The following CNTROB variants were observed in gnomAD, a reference collection of about 807,000 sequenced individuals.
CNTROB encodes the protein centrobin.
In CNTROB, 82 loss-of-function variants were observed where a neutral mutation model predicts 115.7. The observed-to-expected ratio is 0.71, with a 90% CI of 0.59 to 0.85. The LOEUF is 0.85. CNTROB is among the 40% of genes least tolerant of loss of function. The pLI is 0.00. For synonymous variants in CNTROB, 439 were observed against 456.4 expected, an observed-to-expected ratio of 0.96 and a Z score of 0.49; for missense variants, 1,014 against 1,144.4, an observed-to-expected ratio of 0.89 and a Z score of 1.64.
chr17:7,941,598 C>CAA (rs34778352), intron 9 of CNTROB, among the ~76,000 whole-genome samples: 1,161 of 79,740 alleles, frequency 0.015, 45 homozygotes, highest in African/African-American at 0.042. Flanking sequence ...GACTCCATCT[C>CAA]AAAAAAAAAA....
At chr17:7,935,235 G>T in intron 4 of CNTROB, 90 bp downstream of exon 4, 1 of 1,580,630 alleles carries the variant, frequency 6.3e-7, no homozygotes, top group Non-Finnish European at 8.6e-7. Flanking sequence ...CTGGCGTGGT[G>T]GCTCACGCCT....
In CNTROB at chr17:7,939,356, A is replaced by G. The variant is rs1973569497; in HGVS notation, c.928-157A>G. ...TAATCTGCCTGCCTTGGCCTCCCAA[A>G]ATGCTGGGATTACAGGTGTGAGCCA... On this transcript the variant is annotated intron_variant, in intron 7 of 18. Transcript: ENST00000563694. The surrounding 1 kb of genome is among the most constrained non-coding windows in gnomAD (Gnocchi z 4.4). 6.6e-6 allele frequency among the ~76,000 whole-genome samples: 1 copy of G among 152,152 alleles called. No homozygotes were observed. The highest frequency in any genetic ancestry group is 1.5e-5 in the Non-Finnish European group (1 of 68,026).
chr17:7,938,417 T>C (rs952518827), intron 7 of CNTROB, among the ~76,000 whole-genome samples: 22 of 152,112 alleles, frequency 1.4e-4, no homozygotes, highest in Non-Finnish European at 3.1e-4. Context: ...TGCATGCTGG[T>C]ACTTGTAGTC....
In CNTROB at chr17:7,936,348, C is replaced by T. The variant is rs1598065866; in HGVS notation, c.595-18C>T. The T allele has an allele frequency of 2.9e-6, 3 of 1,033,362 alleles. No homozygotes were observed. Among genetic ancestry groups the T allele is most frequent in the Non-Finnish European group, 4.6e-6 (3 of 649,530 alleles). 64.0% of individuals were successfully genotyped at this position (1,033,362 alleles called of 1,614,324 possible). On this transcript the variant is annotated intron_variant, in intron 4 of 18. Coordinates refer to ENST00000563694, the MANE Select transcript of CNTROB (RefSeq NM_053051.5). ...ACCAAAGATGGGCAACACCCAGACT[C>T]CTCACCCTTTTCCCCAGCATTGTGA...
chr17:7,949,202 C>T (rs759612291), intron 18 of CNTROB, 45 bp downstream of exon 18: 1 of 1,590,930 alleles, frequency 6.3e-7, no homozygotes, highest in Admixed American at 1.7e-5. Flanking sequence ...AGGGCTCTCA[C>T]TGACCAGCTC....
chr17:7,940,495 A>T (rs1973732077), intron 9 of CNTROB, among the ~76,000 whole-genome samples: 1 of 152,220 alleles, frequency 6.6e-6, no homozygotes, highest in South Asian at 2.1e-4. Context: ...TCTATTAAAG[A>T]TACCTTATGT....
chr17:7,943,047 C>T lies in CNTROB; in HGVS notation c.1312-344C>T, dbSNP rs560222736. 2.0e-5 allele frequency among the ~76,000 whole-genome samples: 3 copies of T among 151,774 alleles called. No homozygotes were observed. The highest frequency in any genetic ancestry group is 4.4e-5 in the Non-Finnish European group (3 of 67,930). On this transcript the variant is annotated intron_variant, in intron 9 of 18. Coordinates refer to ENST00000563694, the MANE Select transcript of CNTROB (RefSeq NM_053051.5). This position sits in a 1 kb window ranked among gnomAD's most constrained non-coding sequence, Gnocchi z 4.7. ...CGATCTCCTGACCTCGTGATCCGCC[C>T]GTCTCGGCCTCCCAAAGTGCTAGGA...
intron 12 of CNTROB, chr17:7,945,399 C>T (rs4462664): frequency 0.51 from 82,628 of 162,202 alleles, 21,780 homozygotes; most frequent in East Asian, 0.74. Context: ...TATTTATATA[C>T]TTATCATTTA....
chr17:7,942,848 T>C (rs1272837687), intron 9 of CNTROB, among the ~76,000 whole-genome samples: 16 of 127,786 alleles, frequency 1.3e-4, no homozygotes, highest in African/African-American at 4.5e-4. Context: ...GTCTCCCAGG[T>C]TGGAGTGCAG....
intron 9 of CNTROB, 59 bp downstream of exon 9, chr17:7,940,301 G>T: frequency 6.8e-7 from 1 of 1,479,224 alleles, no homozygotes; most frequent in Non-Finnish European, 9.0e-7. Context: ...TGAGGCAGAG[G>T]GACCTCTCAG....
chr17:7,940,211 A>C lies in CNTROB; in HGVS notation c.1280A>C (p.Asp427Ala). ...CTGGATACAGCTCGGAGAGAGAGAG[A>C]TGCCCTGCAGCTGGAAATGAGCTTG... ...GELDTARRER[D>A]ALQLEMSLVQ... Residue 427 changes from aspartate (D) to alanine (A), a missense_variant, in exon 9 of 19, where the codon GAT becomes GCT. By Grantham distance (126) the Asp-to-Ala change is moderately radical (BLOSUM62 -2). Coordinates refer to ENST00000563694, the MANE Select transcript of CNTROB (RefSeq NM_053051.5). 6.2e-7 allele frequency: 1 copy of C among 1,610,452 alleles called. No individual in the cohort carries two copies. The highest frequency in any genetic ancestry group is 8.5e-7 in the Non-Finnish European group (1 of 1,178,994).
At chr17:7,937,000 T>A (rs1973260042) in intron 6 of CNTROB, among the ~76,000 whole-genome samples, 164 bp from the exon 7 acceptor site, 1 of 152,248 alleles carries the variant, frequency 6.6e-6, no homozygotes, top group African/African-American at 2.4e-5. Context: ...CCAACTTGAA[T>A]CATCAATGTC....
Position 7,939,428 on chromosome 17 carries a change from C to T in CNTROB, c.928-85C>T. ...TGTTTTTAATGAGCATAATTCTCAGCAGGCACCTTGTATGAGGGTCAGAGG... is the reference window on the plus strand; with the variant it reads ...TGTTTTTAATGAGCATAATTCTCAGTAGGCACCTTGTATGAGGGTCAGAGG... On this transcript the variant is annotated intron_variant, in intron 7 of 18. Coordinates refer to ENST00000563694, the MANE Select transcript of CNTROB (RefSeq NM_053051.5). This position sits in a 1 kb window ranked among gnomAD's most constrained non-coding sequence, Gnocchi z 4.4. 1.8e-6 allele frequency: 2 copies of T among 1,109,714 alleles called. No individual in the cohort carries two copies. Among genetic ancestry groups the T allele is most frequent in the South Asian group, 2.8e-5 (2 of 72,640 alleles). 68.7% of individuals were successfully genotyped at this position (1,109,714 alleles called of 1,614,324 possible).
In CNTROB at chr17:7,947,661, G is replaced by A. The variant is rs1394103904; in HGVS notation, c.2084G>A (p.Gly695Asp). 3 of 1,613,786 alleles carry A rather than the reference G, an allele frequency of 1.9e-6. No individual in the cohort carries two copies. The highest frequency in any genetic ancestry group is 1.3e-5 in the African/African-American group (1 of 74,936). The change falls in exon 14 of 19, where the codon GGC (glycine) becomes GAC (aspartate). Residue 695 changes from glycine (G) to aspartate (D), a missense_variant. By Grantham distance (94) the Gly-to-Asp change is moderately conservative (BLOSUM62 -1). Coordinates refer to ENST00000563694, the MANE Select transcript of CNTROB (RefSeq NM_053051.5). Reference sequence around the variant, plus strand: ...GAAGATCCTGGACCTGACGGGGAGGGCCTCCTAAAGCAAGGGCTGCCGCCT... The same window carrying A: ...GAAGATCCTGGACCTGACGGGGAGGACCTCCTAAAGCAAGGGCTGCCGCCT... ...PEEDPGPDGE[G>D]LLKQGLPPAQ... is the part of the protein sequence containing the mutation.
chr17:7,949,490 C>CG lies in CNTROB; in HGVS notation c.2699dup (p.Val901SerfsTer25), dbSNP rs35508310. 131 of 1,612,962 alleles carry CG rather than the reference C, an allele frequency of 8.1e-5. No individual in the cohort carries two copies. The highest frequency in any genetic ancestry group is 9.8e-5 in the Non-Finnish European group (115 of 1,179,478). On this transcript the variant is annotated frameshift_variant, in exon 19 of 19. Coordinates refer to ENST00000563694, the MANE Select transcript of CNTROB (RefSeq NM_053051.5). LOFTEE classifies it high-confidence loss of function. ...CCCTGCCCCGAGTAGCATGAGGAGC[C>CG]GGGGGGGAGTCTGGAGATGAGCCCC...
rs1974141470 is a variant in CNTROB, at chr17:7,943,378, TC to T, written c.1312-11del. 1.9e-6 allele frequency: 3 copies of T among 1,605,898 alleles called. No individual in the cohort carries two copies. The East Asian group carries it at 6.7e-5, about 36-fold the overall frequency. On this transcript the variant is annotated splice_polypyrimidine_tract_variant and intron_variant, in intron 9 of 18. Transcript: ENST00000563694. This position sits in a 1 kb window ranked among gnomAD's most constrained non-coding sequence, Gnocchi z 4.7. Reference sequence around the variant, plus strand: ...ACAGATTTGGGCCGTTATCCCACCTTCCTTCACTCCAGGCCCGGTATGAAAG... The same window carrying T: ...ACAGATTTGGGCCGTTATCCCACCTTCTTCACTCCAGGCCCGGTATGAAAG...
At chr17:7,945,346 G>A (rs1322431485) in intron 12 of CNTROB, 1 of 152,116 alleles carries the variant, frequency 6.6e-6, no homozygotes, top group Non-Finnish European at 1.5e-5. Flanking sequence ...CTCAAAAAAA[G>A]AAAAAGAAGA....
rs535872956 is a variant in CNTROB at position 7,944,870 on chromosome 17, G to A, written c.1734+232G>A. 7.2e-5 allele frequency among the ~76,000 whole-genome samples: 11 copies of A among 152,182 alleles called. No homozygotes were observed. In the South Asian group the frequency reaches 2.3e-3, roughly 32 times the overall value. On this transcript the variant is annotated intron_variant, in intron 12 of 18. Coordinates refer to ENST00000563694, the MANE Select transcript of CNTROB (RefSeq NM_053051.5). This position sits in a 1 kb window ranked among gnomAD's most constrained non-coding sequence, Gnocchi z 4.0. The stretch of plus-strand genomic sequence containing the variant: ...AACTGTGTTCTAGATTCCTTCTTTG[G>A]AAATCTAGCTCCCTCCCAAGGGAAG...
Position 7,942,522 on chromosome 17 carries a change from G to A in CNTROB, c.1312-869G>A, listed in dbSNP as rs377083047. 8.9e-5 allele frequency among the ~76,000 whole-genome samples: 13 copies of A among 145,444 alleles called. No homozygotes were observed. The South Asian group carries it at 2.2e-3, about 25-fold the overall frequency. ...TGATGCAGGAGAATTGCTTGAACCC[G>A]GGAGGCAGAGGTTGCAGTGAGCCGA... On this transcript the variant is annotated intron_variant, in intron 9 of 18. Transcript: ENST00000563694.
Sources: allele counts gnomAD v4.1 joint callset (sites outside exome capture counted in the v4.1 genomes callset), GRCh38; gene constraint gnomAD v4.1.1; non-coding constraint Gnocchi (gnomAD v3.1); transcripts MANE v1.5; gene names NCBI Gene and HGNC (gene_info 2026-07-23, HGNC 2026-07-21).